ZFHX3: variants seen among roughly 807,000 people sequenced by gnomAD.
The protein encoded by ZFHX3 is zinc finger homeobox protein 3.
A neutral mutation model predicts 279.1 loss-of-function variants in ZFHX3; 42 were observed. The observed-to-expected ratio is 0.15, with a 90% CI of 0.12 to 0.19. The LOEUF (loss-of-function observed/expected upper bound fraction) is 0.19. ZFHX3 is among the 10% of genes least tolerant of loss of function. The probability of loss-of-function intolerance (pLI) is 1.00; values close to 1 mark genes in which losing one functional copy is unlikely to be tolerated. For missense variants in ZFHX3, 4,981 were observed against 4,754.0 expected (o/e 1.05, Z -1.40); for synonymous variants, 2,293 against 1,957.8 (o/e 1.17, Z -4.52).
intron 2 of ZFHX3, among the ~76,000 whole-genome samples, chr16:73,639,212 T>C (rs944966476): frequency 6.6e-6 from 1 of 152,188 alleles, no homozygotes; most frequent in Non-Finnish European, 1.5e-5. Flanking sequence ...CTTAATCAAG[T>C]CCACAGCAGC....
chr16:73,155,766 T>G (rs1967064351), intron 5 of ZFHX3, among the ~76,000 whole-genome samples: 1 of 151,926 alleles, frequency 6.6e-6, no homozygotes, highest in Admixed American at 6.6e-5. Flanking sequence ...GAGGTCACAG[T>G]GAGCCGAGAT....
intron 3 of ZFHX3, among the ~76,000 whole-genome samples, chr16:72,914,770 C>T (rs574897892): frequency 1.3e-5 from 2 of 152,076 alleles, no homozygotes; most frequent in Non-Finnish European, 2.9e-5. Flanking sequence ...GCAGGCAGGT[C>T]ACTTGAGGTC....
chr16:73,371,506 A>C (rs2016629913), intron 3 of ZFHX3, among the ~76,000 whole-genome samples: 2 of 151,742 alleles, frequency 1.3e-5, no homozygotes, highest in South Asian at 4.2e-4. Context: ...AGGTAAAAAA[A>C]CCGAGTACCA....
At chr16:73,172,729 A>G (rs1282776888) in intron 5 of ZFHX3, among the ~76,000 whole-genome samples, 1 of 152,218 alleles carries the variant, frequency 6.6e-6, no homozygotes, top group African/African-American at 2.4e-5. Flanking sequence ...CAAGCACGGG[A>G]TCCCGGCCAA....
intron 5 of ZFHX3, among the ~76,000 whole-genome samples, chr16:73,158,425 C>T (rs1967149471): frequency 6.6e-6 from 1 of 152,064 alleles, no homozygotes; most frequent in South Asian, 2.1e-4. Flanking sequence ...TTCTCGCTCC[C>T]TTCCTTCTTC....
chr16:72,841,061 G>A, intron 4 of ZFHX3, among the ~76,000 whole-genome samples: 1 of 152,220 alleles, frequency 6.6e-6, no homozygotes. Context: ...AACACCCGGA[G>A]TGGCCAAGAA....
chr16:73,007,032 A>T (rs1039552481), intron 1 of ZFHX3, among the ~76,000 whole-genome samples: 1 of 152,198 alleles, frequency 6.6e-6, no homozygotes, highest in Non-Finnish European at 1.5e-5. Context: ...GGAATCTACA[A>T]ATGCAGAACG....
chr16:73,465,066 A>G (rs2018540642), intron 2 of ZFHX3, among the ~76,000 whole-genome samples: 1 of 152,186 alleles, frequency 6.6e-6, no homozygotes, highest in South Asian at 2.1e-4. Context: ...CACACCGGCC[A>G]GCTGCTCTTG....
At chr16:73,582,625 G>C (rs888959526) in intron 2 of ZFHX3, among the ~76,000 whole-genome samples, 7 of 151,866 alleles carry the variant, frequency 4.6e-5, no homozygotes, top group Non-Finnish European at 5.9e-5. Flanking sequence ...CAGGTGCCCA[G>C]CACCACACCC....
At chr16:73,739,023 A>T (rs749722144) in intron 1 of ZFHX3, among the ~76,000 whole-genome samples, 16 of 152,174 alleles carry the variant, frequency 1.1e-4, no homozygotes, top group Non-Finnish European at 1.8e-4. Context: ...GGCACCAGCA[A>T]TGCCATCTCC....
At chr16:73,331,252 C>T (rs1375543138) in intron 3 of ZFHX3, among the ~76,000 whole-genome samples, 1 of 152,088 alleles carries the variant, frequency 6.6e-6, no homozygotes, top group Non-Finnish European at 1.5e-5. Context: ...GGAACCGCCC[C>T]CATAATCTAA....
intron 4 of ZFHX3, among the ~76,000 whole-genome samples, chr16:72,886,657 C>CA (rs1048181173): frequency 2.0e-5 from 3 of 151,776 alleles, no homozygotes; most frequent in African/African-American, 7.3e-5. Flanking sequence ...CAGAGCTGGC[C>CA]AAAAAAACAC....
intron 3 of ZFHX3, among the ~76,000 whole-genome samples, chr16:72,901,916 A>AC (rs370185632): frequency 6.6e-6 from 1 of 151,000 alleles, no homozygotes; most frequent in African/African-American, 2.4e-5. Flanking sequence ...TCCTTCCCCC[A>AC]CCCCCTTTTT....
intron 2 of ZFHX3, among the ~76,000 whole-genome samples, chr16:73,598,996 C>T (rs766639172): frequency 1.8e-4 from 27 of 152,004 alleles, no homozygotes; most frequent in African/African-American, 5.8e-4. Context: ...CTCCTGACCT[C>T]GTGATCCACC....
chr16:73,153,689 C>T (rs757624259), intron 5 of ZFHX3, among the ~76,000 whole-genome samples: 3 of 151,946 alleles, frequency 2.0e-5, no homozygotes, highest in African/African-American at 2.4e-5. Flanking sequence ...CTAGTCCTGT[C>T]GCCAGGCTGG....
At chr16:73,698,091 G>C (rs2053214232) in intron 1 of ZFHX3, among the ~76,000 whole-genome samples, 1 of 152,060 alleles carries the variant, frequency 6.6e-6, no homozygotes, top group South Asian at 2.1e-4. Context: ...TTTAAGTTTA[G>C]TTAATTGCAT....
chr16:73,682,983 A>G lies in ZFHX3; in HGVS notation c.-1607-2743T>C, dbSNP rs1331935479. ...GAAAGAAAGAAAGAAAGAAAGAAAGAAAGAAAGAAAAGAAAGAAAGAAAGA... is the reference window on the plus strand; with the variant it reads ...GAAAGAAAGAAAGAAAGAAAGAAAGGAAGAAAGAAAAGAAAGAAAGAAAGA... On this transcript the variant is annotated intron_variant, in intron 1 of 17. Coordinates refer to the ZFHX3 transcript ENST00000641206. Among the ~76,000 whole-genome samples, 6 of 21,034 alleles carry G rather than the reference A, an allele frequency of 2.9e-4. 2 individuals carry two copies. Among genetic ancestry groups the G allele is most frequent in the African/African-American group, 8.6e-4 (4 of 4,664 alleles). The allele number at this position is 21,034 out of a possible 152,430, so 13.8% of individuals were successfully genotyped here. A position where few individuals can be genotyped will look rare whatever the true frequency, so the allele number is the denominator to read the frequency against.
At chr16:73,243,738 C>T (rs1236289874) in intron 5 of ZFHX3, among the ~76,000 whole-genome samples, 1 of 147,532 alleles carries the variant, frequency 6.8e-6, no homozygotes, top group Non-Finnish European at 1.5e-5. Context: ...AAGTATCCAA[C>T]ACGTTTTGTG....
chr16:73,719,242 A>C (rs1376122627), intron 1 of ZFHX3, among the ~76,000 whole-genome samples: 1 of 152,198 alleles, frequency 6.6e-6, no homozygotes, highest in African/African-American at 2.4e-5. Context: ...GGTGAACCAT[A>C]GTAAGAATCT....
Sources: gnomAD v4.1 joint callset for allele counts (sites outside exome capture counted in the v4.1 genomes callset) on GRCh38, gnomAD v4.1.1 for gene constraint, MANE v1.5 for transcripts, NCBI Gene and HGNC (gene_info 2026-07-23, HGNC 2026-07-21) for gene names.